RASSF3: variants seen among roughly 807,000 people sequenced by gnomAD.
RASSF3 encodes the protein ras association domain-containing protein 3.
Under a neutral mutation model 19.9 loss-of-function variants are expected in RASSF3, and 19 were observed. The ratio of observed to expected loss-of-function variants is 0.96; its 90% CI spans 0.67 to 1.40. The LOEUF (loss-of-function observed/expected upper bound fraction) is 1.40. Ranked by LOEUF, RASSF3 falls within the 40% of genes most tolerant of loss-of-function variation. RASSF3 has a pLI of 0.00. For synonymous variants in RASSF3, 110 were observed against 104.2 expected (o/e 1.06, Z -0.34); for missense variants, 306 against 289.8 (o/e 1.06, Z -0.41).
At chr12:64,536,315 T>G (rs980271339) in intron 1 of RASSF3, among the ~76,000 whole-genome samples, 2 of 152,222 alleles carry the variant, frequency 1.3e-5, no homozygotes, top group African/African-American at 4.8e-5. Context: ...CAGCCTGTTT[T>G]CACTTTTTTA....
chr12:64,550,571 G>C (rs888158525), intron 2 of RASSF3, among the ~76,000 whole-genome samples: 1 of 151,880 alleles, frequency 6.6e-6, no homozygotes, highest in Non-Finnish European at 1.5e-5. Flanking sequence ...TAGGAGATTC[G>C]CTTGAACCCG....
chr12:64,582,055 T>C (rs1869711876), intron 2 of RASSF3, among the ~76,000 whole-genome samples: 2 of 151,948 alleles, frequency 1.3e-5, no homozygotes, highest in African/African-American at 4.8e-5. Context: ...GAGATGCGGT[T>C]GCCCAGGTGG....
chr12:64,680,716 C>G (rs577706201), intron 1 of RASSF3, among the ~76,000 whole-genome samples: 1 of 151,966 alleles, frequency 6.6e-6, no homozygotes, highest in Non-Finnish European at 1.5e-5. Context: ...CGGTTTCAAG[C>G]GATTCTCCTA....
chr12:64,541,552 C>G (rs1332858370), intron 1 of RASSF3: 1 of 398,406 alleles, frequency 2.5e-6, no homozygotes, highest in Middle Eastern at 6.2e-4. Context: ...ACAGACCTAA[C>G]TGGGAACCTA....
Position 64,689,220 on chromosome 12 carries a change from G to GGTGTGTGTGTGTGT in RASSF3, c.457+780_457+793dup, listed in dbSNP as rs10688391. ...CTCACTACATGCGATTTGAAATCGG[G>GGTGTGTGTGTGTGT]GTGTGTGTGTGTGTGTGTGTGTGTG... On this transcript the variant is annotated intron_variant, in intron 3 of 4. Transcript: ENST00000542104. Among the ~76,000 whole-genome samples, 265 of 147,526 alleles carry GGTGTGTGTGTGTGT rather than the reference G, an allele frequency of 1.8e-3. 1 individual carries two copies. The highest frequency in any genetic ancestry group is 3.5e-3 in the Middle Eastern group (1 of 288).
intron 1 of RASSF3, among the ~76,000 whole-genome samples, chr12:64,633,408 T>C (rs1871228085): frequency 6.6e-6 from 1 of 152,174 alleles, no homozygotes; most frequent in Admixed American, 6.6e-5. Context: ...GTTCTTACTC[T>C]GTTCACGTGA....
At chr12:64,637,710 A>G (rs1169422522) in intron 1 of RASSF3, among the ~76,000 whole-genome samples, 2 of 152,076 alleles carry the variant, frequency 1.3e-5, no homozygotes, top group East Asian at 1.9e-4. Context: ...GATTACAGAC[A>G]TGAGCCACCA....
chr12:64,582,955 T>C (rs1012498943), intron 2 of RASSF3, among the ~76,000 whole-genome samples: 5 of 152,240 alleles, frequency 3.3e-5, no homozygotes, highest in South Asian at 2.1e-4. Flanking sequence ...TTACTCATTT[T>C]GAAGTACTTG....
chr12:64,594,241 G>A (rs1318488311), intron 2 of RASSF3, among the ~76,000 whole-genome samples: 3 of 151,996 alleles, frequency 2.0e-5, no homozygotes, highest in African/African-American at 7.3e-5. Flanking sequence ...AGCTGAGGTG[G>A]AAGGATTGCT....
At chr12:64,513,784 G>C (rs1300065200) in intron 1 of RASSF3, among the ~76,000 whole-genome samples, 1 of 152,194 alleles carries the variant, frequency 6.6e-6, no homozygotes, top group Non-Finnish European at 1.5e-5. Flanking sequence ...ACCATGGAGA[G>C]ACCTCACACC....
At chr12:64,693,010 A>C (rs188107804) in intron 4 of RASSF3, among the ~76,000 whole-genome samples, 128 of 152,288 alleles carry the variant, frequency 8.4e-4, no homozygotes, top group African/African-American at 3.0e-3. Context: ...CATAGCTGTT[A>C]GGGGGTGGGA....
chr12:64,542,215 C>A (rs73315599), downstream of RASSF3, among the ~76,000 whole-genome samples: 4,915 of 152,190 alleles, frequency 0.032, 273 homozygotes, highest in African/African-American at 0.11. Context: ...ACTCACCCAG[C>A]CACTCAAGAG....
rs574553428 is a variant in RASSF3 at position 64,678,206 on chromosome 12, G to A, written c.112-6581G>A. ...AAATGTGATGTTTTACATGTGAAAGGTGCTTGATGTTTTGCTCTATGCAAT... is the reference window on the plus strand; with the variant it reads ...AAATGTGATGTTTTACATGTGAAAGATGCTTGATGTTTTGCTCTATGCAAT... On this transcript the variant is annotated intron_variant, in intron 1 of 4. Coordinates refer to ENST00000542104, the MANE Select transcript of RASSF3 (RefSeq NM_178169.4). Among the ~76,000 whole-genome samples, 5 of 152,328 alleles carry A rather than the reference G, an allele frequency of 3.3e-5. No individual in the cohort carries two copies. The East Asian group carries it at 9.7e-4, about 29-fold the overall frequency.
intron 1 of RASSF3, chr12:64,611,299 C>G (rs1716505): frequency 0.34 from 51,303 of 152,252 alleles, 8,817 homozygotes; most frequent in South Asian, 0.47. Context: ...ACTAAATCTC[C>G]GTTGCGGGAC....
chr12:64,650,472 TG>T (rs1308237486), intron 1 of RASSF3, among the ~76,000 whole-genome samples: 2 of 136,596 alleles, frequency 1.5e-5, no homozygotes, highest in African/African-American at 5.5e-5. Context: ...TGGAGTGCAA[TG>T]GTGCAAGTCT....
At chr12:64,548,064 C>G (rs1358703357) in intron 2 of RASSF3, among the ~76,000 whole-genome samples, 1 of 152,146 alleles carries the variant, frequency 6.6e-6, no homozygotes, top group Non-Finnish European at 1.5e-5. Flanking sequence ...TACAATGTGA[C>G]CATGTTTCCT....
At chr12:64,569,247 T>C (rs987936552) in intron 2 of RASSF3, among the ~76,000 whole-genome samples, 4 of 152,244 alleles carry the variant, frequency 2.6e-5, no homozygotes, top group African/African-American at 9.6e-5. Flanking sequence ...AGCCATGCTT[T>C]GCTGTAACTA....
intron 2 of RASSF3, among the ~76,000 whole-genome samples, chr12:64,601,089 A>G (rs1238455252): frequency 6.6e-6 from 1 of 152,110 alleles, no homozygotes; most frequent in Non-Finnish European, 1.5e-5. Flanking sequence ...GTAGCTTGAG[A>G]CCAGCCTGGG....
intron 1 of RASSF3, among the ~76,000 whole-genome samples, chr12:64,616,480 A>G (rs1870555616): frequency 6.6e-6 from 1 of 152,084 alleles, no homozygotes; most frequent in Middle Eastern, 3.2e-3. Context: ...TAGCCCTCGC[A>G]TTTTCCACCC....
Sources: gnomAD v4.1 joint callset for allele counts (sites outside exome capture counted in the v4.1 genomes callset) on GRCh38, gnomAD v4.1.1 for gene constraint, MANE v1.5 for transcripts, NCBI Gene and HGNC (gene_info 2026-07-23, HGNC 2026-07-21) for gene names.